Variants in CCDC138 observed in about 807,000 individuals in gnomAD.
CCDC138 encodes the protein coiled-coil domain-containing protein 138.
A neutral mutation model predicts 82.3 loss-of-function variants in CCDC138; 66 were observed. The ratio of observed to expected loss-of-function variants is 0.80; its 90% CI spans 0.66 to 0.98. CCDC138 has a LOEUF of 0.98. Among genes scored for constraint, CCDC138 ranks in the 50% least tolerant of loss-of-function variants. The pLI, the probability that CCDC138 is intolerant of heterozygous loss-of-function variation, is 0.00. For missense variants in CCDC138, 816 were observed against 758.9 expected (o/e 1.08, Z -0.88); for synonymous variants, 297 against 265.4 (o/e 1.12, Z -1.16).
chr2:108,818,331 A>G (rs1315639315), intron 10 of CCDC138, among the ~76,000 whole-genome samples: 1 of 152,146 alleles, frequency 6.6e-6, no homozygotes, highest in Non-Finnish European at 1.5e-5. Context: ...AATCGGGATC[A>G]TGTAATACTG....
At position 108,842,205 on chromosome 2, in the gene CCDC138, T is replaced by G. The variant is rs573554508; in HGVS notation, c.1323+2904T>G. Reference sequence around the variant, plus strand: ...ACCACACCTGGCTAATTAAAAAGTTTTTTTTTTTTTTTTGATAGAGGCATT... The same window carrying G: ...ACCACACCTGGCTAATTAAAAAGTTGTTTTTTTTTTTTTGATAGAGGCATT... On this transcript the variant is annotated intron_variant, in intron 11 of 14. Transcript: ENST00000295124. 3.3e-4 allele frequency among the ~76,000 whole-genome samples: 49 copies of G among 148,780 alleles called. 1 individual carries two copies. The South Asian group carries it at 7.7e-3, about 24-fold the overall frequency.
intron 10 of CCDC138, among the ~76,000 whole-genome samples, chr2:108,837,626 C>T (rs78992769): frequency 3.2e-4 from 48 of 152,286 alleles, no homozygotes; most frequent in East Asian, 1.2e-3. Context: ...GTGATGCTGA[C>T]GTAAACAAAC....
intron 12 of CCDC138, among the ~76,000 whole-genome samples, chr2:108,852,878 G>A (rs1691750719): frequency 6.6e-6 from 1 of 151,964 alleles, no homozygotes; most frequent in African/African-American, 2.4e-5. Context: ...ACCTGCACAG[G>A]TACCCCTGAA....
chr2:108,842,511 A>ATTGTAT (rs1427877188), intron 11 of CCDC138, among the ~76,000 whole-genome samples: 10 of 152,046 alleles, frequency 6.6e-5, no homozygotes, highest in Admixed American at 4.6e-4. Context: ...GGTTTTTCAC[A>ATTGTAT]GGCTGTTTTG....
At chr2:108,865,494 T>G (rs1377708776) in intron 13 of CCDC138, among the ~76,000 whole-genome samples, 1 of 152,192 alleles carries the variant, frequency 6.6e-6, no homozygotes, top group African/African-American at 2.4e-5. Flanking sequence ...TTTTGTGCCA[T>G]AGACAAAATA....
Position 108,846,815 on chromosome 2 carries a change from T to A in CCDC138, c.1401T>A (p.Asp467Glu). 3 of 1,612,908 alleles carry A rather than the reference T, an allele frequency of 1.9e-6. No individual in the cohort carries two copies. The South Asian group carries it at 3.3e-5, about 18-fold the overall frequency. ...GAGTGGTAACTAAAGGAATTCAGGA[T>A]AATTCTCCACAGCATTCTGTGGAGA... Reference protein sequence around the residue: ...FKGVVTKGIQDNSPQHSVENK... With the variant: ...FKGVVTKGIQENSPQHSVENK... The change falls in exon 12 of 15, where the codon GAT becomes GAA. Residue 467 changes from aspartate (D) to glutamate (E), a missense_variant. Physicochemically the swap from Asp to Glu is conservative, Grantham distance 45. Coordinates refer to ENST00000295124, the MANE Select transcript of CCDC138 (RefSeq NM_144978.3).
exon 2 of CCDC138, chr2:108,882,714 T>C (rs1457678694): frequency 6.6e-6 from 1 of 152,274 alleles, no homozygotes; most frequent in African/African-American, 2.4e-5. Context: ...CTCTTCATTT[T>C]CTTCTCAGGC....
chr2:108,843,157 T>C (rs560121414), intron 11 of CCDC138, among the ~76,000 whole-genome samples: 6 of 152,230 alleles, frequency 3.9e-5, no homozygotes, highest in African/African-American at 1.2e-4. Context: ...TTTAGAGTAG[T>C]TATTTTTCTT....
chr2:108,788,757 T>G (rs1010573669), intron 2 of CCDC138, 95 bp from the exon 3 acceptor site: 64 of 1,481,584 alleles, frequency 4.3e-5, no homozygotes, highest in Non-Finnish European at 5.6e-5. Flanking sequence ...AGAGAGAAGA[T>G]TTTAAAAATA....
chr2:108,874,371 C>T (rs2105286390), intron 14 of CCDC138, among the ~76,000 whole-genome samples: 1 of 152,216 alleles, frequency 6.6e-6, no homozygotes, highest in Non-Finnish European at 1.5e-5. Flanking sequence ...GACTCAGAAA[C>T]TTGTATAACC....
chr2:108,822,423 G>A (rs1027323423), intron 10 of CCDC138, among the ~76,000 whole-genome samples: 5 of 152,006 alleles, frequency 3.3e-5, no homozygotes, highest in African/African-American at 1.2e-4. Flanking sequence ...GGAAATAGAG[G>A]GCTTGAACAA....
Position 108,876,201 on chromosome 2 carries a change from T to C in CCDC138, c.1946T>C (p.Phe649Ser), listed in dbSNP as rs1200788256. The change falls in exon 15 of 15, where the codon TTC becomes TCC. Residue 649 changes from phenylalanine (F) to serine (S), a missense_variant. Coordinates refer to ENST00000295124, the MANE Select transcript of CCDC138 (RefSeq NM_144978.3). ...FLCINLNSTL[F>S]NLGLTKCNSL... ...TGTATTAATCTAAATTCAACTCTGT[T>C]CAATCTGGGTTTAACAAAATGTAAC... The C allele has an allele frequency of 6.8e-6, 11 of 1,613,402 alleles. No individual in the cohort carries two copies. In the East Asian group the frequency reaches 2.5e-4, roughly 36 times the overall value.
intron 13 of CCDC138, among the ~76,000 whole-genome samples, chr2:108,865,423 T>TG (rs1281826229): frequency 2.0e-5 from 3 of 152,192 alleles, no homozygotes; most frequent in Non-Finnish European, 4.4e-5. Context: ...ATTCATCTCT[T>TG]TGTCTTTTGG....
intron 13 of CCDC138, among the ~76,000 whole-genome samples, chr2:108,861,472 C>CTTTTTTTTTTTTTTTTTTTTTTTTTTTTT (rs201132350): frequency 8.1e-6 from 1 of 123,552 alleles, no homozygotes; most frequent in African/African-American, 3.9e-5. Flanking sequence ...AACTTTCTTC[C>CTTTTTTTTTTTTTTTTTTTTTTTTTTTTT]TTTTTTTTTT....
chr2:108,848,930 G>A (rs1355938832), intron 12 of CCDC138, among the ~76,000 whole-genome samples: 2 of 152,150 alleles, frequency 1.3e-5, no homozygotes, highest in Admixed American at 6.5e-5. Flanking sequence ...ACAGATGATA[G>A]AATTAGTAGA....
At chr2:108,825,221 C>G (rs937299487) in intron 10 of CCDC138, among the ~76,000 whole-genome samples, 12 of 152,028 alleles carry the variant, frequency 7.9e-5, no homozygotes, top group African/African-American at 2.7e-4. Context: ...ACACAAAAAC[C>G]AAGAGCACCA....
intron 10 of CCDC138, among the ~76,000 whole-genome samples, chr2:108,830,121 C>G (rs913823551): frequency 3.3e-5 from 5 of 152,096 alleles, no homozygotes; most frequent in African/African-American, 4.8e-5. Flanking sequence ...CATGAATGAA[C>G]CCTGAAGCTA....
At chr2:108,795,470 T>G (rs960163063) in intron 5 of CCDC138, among the ~76,000 whole-genome samples, 2 of 152,138 alleles carry the variant, frequency 1.3e-5, no homozygotes, top group Admixed American at 6.5e-5. Flanking sequence ...AGAGTATAAT[T>G]TATATATTAA....
intron 7 of CCDC138, among the ~76,000 whole-genome samples, chr2:108,809,445 A>G (rs1276290799): frequency 8.1e-6 from 1 of 123,684 alleles, no homozygotes; most frequent in African/African-American, 3.2e-5. Context: ...TGAACATGAA[A>G]TGTTGTGTGT....
Sources: allele counts gnomAD v4.1 joint callset (sites outside exome capture counted in the v4.1 genomes callset), GRCh38; gene constraint gnomAD v4.1.1; transcripts MANE v1.5; gene names NCBI Gene and HGNC (gene_info 2026-07-23, HGNC 2026-07-21).